GRM1: variants seen among roughly 807,000 people sequenced by gnomAD.
GRM1 encodes metabotropic glutamate receptor 1.
In GRM1, 33 loss-of-function variants were observed where a neutral mutation model predicts 90.9. The ratio of observed to expected loss-of-function variants is 0.36; its 90% CI spans 0.28 to 0.49. GRM1 has a LOEUF of 0.49. GRM1 is among the 20% of genes least tolerant of loss of function. The pLI, the probability that GRM1 is intolerant of heterozygous loss-of-function variation, is 0.99. For synonymous variants in GRM1, 700 were observed against 613.2 expected (o/e 1.14, Z -2.09); for missense variants, 1,190 against 1,534.3 (o/e 0.78, Z 3.75).
chr6:146,340,780 G>T (rs539143581), intron 3 of GRM1, among the ~76,000 whole-genome samples: 2 of 152,028 alleles, frequency 1.3e-5, no homozygotes, highest in African/African-American at 4.8e-5. Context: ...TCCTGACCTC[G>T]TGATCTGCCT....
chr6:146,298,938 C>T (rs1384375625), intron 2 of GRM1, among the ~76,000 whole-genome samples: 1 of 152,180 alleles, frequency 6.6e-6, no homozygotes, highest in African/African-American at 2.4e-5. Flanking sequence ...AAAGTGTCTA[C>T]TCAAATATCC....
chr6:146,309,201 C>G (rs1783691977), intron 3 of GRM1, among the ~76,000 whole-genome samples: 1 of 151,966 alleles, frequency 6.6e-6, no homozygotes, highest in African/African-American at 2.4e-5. Flanking sequence ...GAGTTCGAGA[C>G]CAGCCTGGCC....
intron 3 of GRM1, among the ~76,000 whole-genome samples, chr6:146,309,186 G>A (rs1213718388): frequency 3.3e-5 from 5 of 152,012 alleles, no homozygotes; most frequent in African/African-American, 1.2e-4. Flanking sequence ...ATGGCTTGAG[G>A]TCAGGAGTTC....
chr6:146,405,220 G>A (rs1278927336), intron 7 of GRM1, among the ~76,000 whole-genome samples: 12 of 152,070 alleles, frequency 7.9e-5, no homozygotes, highest in Admixed American at 7.9e-4. Context: ...TTAAGAGAAA[G>A]GTCTAGGCCA....
At chr6:146,241,345 A>G (rs1051928612) in intron 2 of GRM1, among the ~76,000 whole-genome samples, 29 of 152,148 alleles carry the variant, frequency 1.9e-4, no homozygotes, top group African/African-American at 6.5e-4. Context: ...TGAGAGATGA[A>G]TAAGGTTGCC....
rs1249441852 is a variant in GRM1 at position 146,159,394 on chromosome 6, C to A, written c.747C>A (p.Ala249=). 1 of 1,614,000 alleles carries A rather than the reference C, an allele frequency of 6.2e-7. No individual in the cohort carries two copies. Among genetic ancestry groups the A allele is most frequent in the Non-Finnish European group, 8.5e-7 (1 of 1,179,966 alleles). ...TGGACGCTTTCAAAGAGCTGGCTGC[C>A]CAGGAAGGCCTCTGTATCGCCCATT... ...SGMDAFKELA[A]QEGLCIAHSD... Residue 249 remains alanine, a synonymous_variant, in exon 2 of 8, where the codon GCC becomes GCA. Coordinates refer to ENST00000282753, the MANE Select transcript of GRM1 (RefSeq NM_001278064.2).
At chr6:146,177,358 A>C (rs1297774450) in intron 2 of GRM1, among the ~76,000 whole-genome samples, 1 of 152,096 alleles carries the variant, frequency 6.6e-6, no homozygotes, top group Non-Finnish European at 1.5e-5. Flanking sequence ...TCTTTCTGCT[A>C]GATGTGTTCT....
intron 1 of GRM1, among the ~76,000 whole-genome samples, chr6:146,139,272 A>C (rs1776744861): frequency 6.6e-6 from 1 of 152,210 alleles, no homozygotes; most frequent in Admixed American, 6.5e-5. Flanking sequence ...TATGCTGAGA[A>C]GAATATGTAT....
At chr6:146,213,940 G>T (rs1779780660) in intron 2 of GRM1, among the ~76,000 whole-genome samples, 1 of 152,124 alleles carries the variant, frequency 6.6e-6, no homozygotes, top group Non-Finnish European at 1.5e-5. Flanking sequence ...GGCCATTGGT[G>T]TAAGTCCTGG....
chr6:146,172,671 T>C (rs1379715612), intron 2 of GRM1, among the ~76,000 whole-genome samples: 1 of 152,092 alleles, frequency 6.6e-6, no homozygotes, highest in African/African-American at 2.4e-5. Context: ...AGAAAGGTCT[T>C]AGCACAGTGA....
At chr6:146,400,158 C>T (rs1279539039) in intron 7 of GRM1, among the ~76,000 whole-genome samples, 2 of 152,074 alleles carry the variant, frequency 1.3e-5, no homozygotes, top group Admixed American at 6.5e-5. Context: ...ACTTCTAAAC[C>T]GGGGTGAAAG....
intron 2 of GRM1, among the ~76,000 whole-genome samples, chr6:146,177,017 G>A (rs1420892858): frequency 6.6e-6 from 1 of 152,018 alleles, no homozygotes; most frequent in Non-Finnish European, 1.5e-5. Flanking sequence ...CATGCCATTA[G>A]ACCAATATAT....
intron 2 of GRM1, among the ~76,000 whole-genome samples, chr6:146,174,497 A>G (rs1350619275): frequency 6.6e-6 from 1 of 152,192 alleles, no homozygotes; most frequent in Non-Finnish European, 1.5e-5. Context: ...AAAGAGGTAT[A>G]CTGTGTGTAG....
intron 1 of GRM1, among the ~76,000 whole-genome samples, chr6:146,121,007 G>T (rs569367630): frequency 6.6e-6 from 1 of 152,286 alleles, no homozygotes; most frequent in African/African-American, 2.4e-5. Context: ...GTTTCAGAAG[G>T]AATGGTATCA....
chr6:146,436,006 G>A lies in GRM1; in HGVS notation c.*1210G>A, dbSNP rs1307787495. 1.3e-5 allele frequency: 2 copies of A among 152,612 alleles called. No homozygotes were observed. Among genetic ancestry groups the A allele is most frequent in the Non-Finnish European group, 2.9e-5 (2 of 68,038 alleles). The allele number at this position is 152,612 out of a possible 1,614,324, so 9.5% of individuals were successfully genotyped here. On this transcript the variant is annotated 3_prime_UTR_variant, in exon 8 of 8. Transcript: ENST00000282753. ...TCACTGAAGTCCTTGTAACTAGCGA[G>A]TGAATGTGTTCCTGTGTCCTTGTAT...
intron 2 of GRM1, among the ~76,000 whole-genome samples, chr6:146,241,244 G>A (rs1243570467): frequency 6.6e-6 from 1 of 152,082 alleles, no homozygotes; most frequent in Admixed American, 6.6e-5. Context: ...GAGGCATTCT[G>A]CTGGTGCTAA....
chr6:146,178,750 C>T (rs1429290860), intron 2 of GRM1, among the ~76,000 whole-genome samples: 2 of 152,162 alleles, frequency 1.3e-5, no homozygotes, highest in East Asian at 3.8e-4. Context: ...TAAAATTTCT[C>T]ATTTAGTAGC....
At chr6:146,179,953 G>A (rs1433192440) in intron 2 of GRM1, among the ~76,000 whole-genome samples, 1 of 152,050 alleles carries the variant, frequency 6.6e-6, no homozygotes, top group African/African-American at 2.4e-5. Flanking sequence ...ACCAGCCTGG[G>A]CAACACAGGG....
rs536636896 is a variant in GRM1, at chr6:146,039,931, T to C, written c.700+9714T>C. Among the ~76,000 whole-genome samples the C allele has an allele frequency of 2.0e-5, 3 of 152,072 alleles. No homozygotes were observed. In the South Asian group the frequency reaches 6.2e-4, roughly 32 times the overall value. On this transcript the variant is annotated intron_variant, in intron 1 of 7. Transcript: ENST00000282753. ...GTTTAGGCTGTTTGAGTTTGTGGTA[T>C]CCATTGGACAATAAAGTCAAGGGAT...
Sources: allele counts gnomAD v4.1 joint callset (sites outside exome capture counted in the v4.1 genomes callset), GRCh38; gene constraint gnomAD v4.1.1; transcripts MANE v1.5; gene names NCBI Gene and HGNC (gene_info 2026-07-23, HGNC 2026-07-21).